The following TOM1L2 variants were observed in gnomAD, a reference collection of about 807,000 sequenced individuals.
TOM1L2 encodes the protein target of myb1 like 2 membrane trafficking protein.
Under a neutral mutation model 67.9 loss-of-function variants are expected in TOM1L2, and 31 were observed. The ratio of observed to expected loss-of-function variants is 0.46; its 90% confidence interval spans 0.34 to 0.62. TOM1L2 has a LOEUF of 0.62. Among genes scored for constraint, TOM1L2 ranks in the 20% least tolerant of loss-of-function variants. The pLI is 0.01. For synonymous variants in TOM1L2, 256 were observed against 254.0 expected, an observed-to-expected ratio of 1.01 and a Z score of -0.07; for missense variants, 606 against 663.5, an observed-to-expected ratio of 0.91 and a Z score of 0.95.
chr17:17,929,401 G>A (rs1381545077), intron 1 of TOM1L2, among the ~76,000 whole-genome samples: 1 of 152,218 alleles, frequency 6.6e-6, no homozygotes, highest in Non-Finnish European at 1.5e-5. Flanking sequence ...ACTTTGGGAG[G>A]CAGGTGGATC....
intron 1 of TOM1L2, among the ~76,000 whole-genome samples, chr17:17,970,545 C>A (rs2042028877): frequency 6.6e-6 from 1 of 152,046 alleles, no homozygotes. Context: ...GCAAGAGCAC[C>A]TGAAGAGAGT....
At chr17:17,900,560 G>C (rs1236338279) in intron 2 of TOM1L2, among the ~76,000 whole-genome samples, 1 of 149,564 alleles carries the variant, frequency 6.7e-6, no homozygotes, top group Non-Finnish European at 1.5e-5. Flanking sequence ...AAGAAAAAAA[G>C]TTTAAGGAGC....
intron 12 of TOM1L2, chr17:17,851,187 C>T (rs767238338): frequency 1.3e-5 from 7 of 549,998 alleles, no homozygotes; most frequent in South Asian, 4.1e-5. Flanking sequence ...CCGGCAGGGC[C>T]GGCGGTAAGG....
At chr17:17,880,560 G>C (rs138985296) in intron 6 of TOM1L2, among the ~76,000 whole-genome samples, 1 of 152,300 alleles carries the variant, frequency 6.6e-6, no homozygotes, top group Non-Finnish European at 1.5e-5. Context: ...TATCATAGAA[G>C]AATCTGCATA....
intron 7 of TOM1L2, among the ~76,000 whole-genome samples, chr17:17,872,941 G>A (rs1044738851): frequency 6.6e-6 from 1 of 152,216 alleles, no homozygotes; most frequent in African/African-American, 2.4e-5. Flanking sequence ...TCAGGGGAGT[G>A]TGGCAGTAGG....
At chr17:17,901,853 T>C (rs951447587) in intron 2 of TOM1L2, among the ~76,000 whole-genome samples, 2 of 152,160 alleles carry the variant, frequency 1.3e-5, no homozygotes, top group Non-Finnish European at 2.9e-5. Context: ...TGTGCCTTGA[T>C]TGTGTAGGTC....
At chr17:17,879,549 T>C in intron 7 of TOM1L2, 78 bp downstream of exon 7, 1 of 1,169,658 alleles carries the variant, frequency 8.5e-7, no homozygotes, top group Non-Finnish European at 1.3e-6. Flanking sequence ...TGCCGCTGTG[T>C]CCCCGGGTGG....
chr17:17,901,351 CCTGTGTTGAG>C (rs2038847074), intron 2 of TOM1L2, among the ~76,000 whole-genome samples: 1 of 152,162 alleles, frequency 6.6e-6, no homozygotes, highest in Non-Finnish European at 1.5e-5. Flanking sequence ...GAATCAGTGG[CCTGTGTTGAG>C]ATGGCATCAA....
At chr17:17,883,312 G>A (rs151123049) in intron 5 of TOM1L2, among the ~76,000 whole-genome samples, 2 of 152,334 alleles carry the variant, frequency 1.3e-5, no homozygotes, top group African/African-American at 4.8e-5. Flanking sequence ...TTTACCAAAT[G>A]TTTTTTGTAA....
chr17:17,935,494 T>C lies in TOM1L2; in HGVS notation c.53-27963A>G, dbSNP rs1016727829. Among the ~76,000 whole-genome samples the C allele has an allele frequency of 4.6e-5, 7 of 152,328 alleles. 1 individual carries two copies. ...TCCTCTTACTGCTCTTTCTTGTCAG[T>C]AGACCTTGAGCTTGCCGAGCTGTGC... is the stretch of plus-strand genomic sequence containing the variant. On this transcript the variant is annotated intron_variant, in intron 1 of 14. Transcript: ENST00000379504.
intron 1 of TOM1L2, among the ~76,000 whole-genome samples, chr17:17,971,800 C>T (rs973158566): frequency 6.6e-6 from 1 of 152,258 alleles, no homozygotes; most frequent in Admixed American, 6.5e-5. Flanking sequence ...AAGCCTGGGG[C>T]ATCTCCGAGT....
intron 3 of TOM1L2, among the ~76,000 whole-genome samples, chr17:17,897,496 T>C (rs1244087704): frequency 6.6e-6 from 1 of 152,174 alleles, no homozygotes; most frequent in Non-Finnish European, 1.5e-5. Flanking sequence ...CCTGTTACAG[T>C]TTCTATTTTA....
chr17:17,923,416 A>C (rs2039958920), intron 1 of TOM1L2, among the ~76,000 whole-genome samples: 1 of 151,964 alleles, frequency 6.6e-6, no homozygotes, highest in Non-Finnish European at 1.5e-5. Flanking sequence ...AACAACAACA[A>C]AACAACAACA....
Position 17,848,871 on chromosome 17 carries a change from G to T in TOM1L2, c.1339-12C>A. ...AGATCATCACCCTTCTGTGGGAGGAGCAGAGAAAATGAAATTAGGGCACTG... is the reference window on the plus strand; with the variant it reads ...AGATCATCACCCTTCTGTGGGAGGATCAGAGAAAATGAAATTAGGGCACTG... On this transcript the variant is annotated splice_polypyrimidine_tract_variant and intron_variant, in intron 13 of 14. Coordinates refer to ENST00000379504, the MANE Select transcript of TOM1L2 (RefSeq NM_001082968.2). 1 of 1,614,130 alleles carries T rather than the reference G, an allele frequency of 6.2e-7. No individual in the cohort carries two copies. Among genetic ancestry groups the T allele is most frequent in the Non-Finnish European group, 8.5e-7 (1 of 1,180,000 alleles).
intron 1 of TOM1L2, among the ~76,000 whole-genome samples, chr17:17,932,895 T>C (rs918492080): frequency 6.6e-5 from 10 of 152,210 alleles, no homozygotes; most frequent in African/African-American, 1.7e-4. Context: ...CCCAGAAATC[T>C]GTGGGGATTT....
Position 17,861,564 on chromosome 17 carries a change from A to C in TOM1L2, c.1203-13T>G, listed in dbSNP as rs764501922. 1.1e-5 allele frequency: 18 copies of C among 1,613,272 alleles called. No individual in the cohort carries two copies. Among genetic ancestry groups the C allele is most frequent in the East Asian group, 8.9e-5 (4 of 44,890 alleles). Reference sequence around the variant, plus strand: ...CTCATAGGTTACCCTGGAGATGAAGAAGCAGCACAAGCAGAGTTCATTTTC... The same window carrying C: ...CTCATAGGTTACCCTGGAGATGAAGCAGCAGCACAAGCAGAGTTCATTTTC... On this transcript the variant is annotated splice_polypyrimidine_tract_variant and intron_variant, in intron 11 of 14. Coordinates refer to ENST00000379504, the MANE Select transcript of TOM1L2 (RefSeq NM_001082968.2).
intron 1 of TOM1L2, among the ~76,000 whole-genome samples, chr17:17,949,085 T>C (rs764772285): frequency 4.6e-5 from 7 of 152,212 alleles, no homozygotes; most frequent in Non-Finnish European, 7.4e-5. Flanking sequence ...CAGGGACACC[T>C]TAATTGAGTG....
intron 2 of TOM1L2, 143 bp from the exon 3 acceptor site, chr17:17,898,817 T>A: frequency 1.3e-6 from 1 of 749,228 alleles, no homozygotes; most frequent in Non-Finnish European, 2.3e-6. Context: ...ACAAACTGAA[T>A]GTCCATCAAT....
chr17:17,900,107 G>A (rs1280712588), intron 2 of TOM1L2, among the ~76,000 whole-genome samples: 1 of 152,000 alleles, frequency 6.6e-6, no homozygotes, highest in Non-Finnish European at 1.5e-5. Flanking sequence ...TAGCTGCTCG[G>A]GAGGCTGAGG....
Sources: allele counts gnomAD v4.1 joint callset (sites outside exome capture counted in the v4.1 genomes callset), GRCh38; gene constraint gnomAD v4.1.1; transcripts MANE v1.5; gene names NCBI Gene and HGNC (gene_info 2026-07-23, HGNC 2026-07-21).